The following MMUT variants were observed in gnomAD, a reference collection of about 807,000 sequenced individuals.
The protein encoded by MMUT is methylmalonyl-CoA mutase, mitochondrial.
MMUT carries 79 observed loss-of-function variants against 79.9 expected under a neutral mutation model. The observed-to-expected ratio is 0.99, with a 90% CI of 0.82 to 1.19. The LOEUF (loss-of-function observed/expected upper bound fraction) is 1.19, where lower values mean the gene tolerates loss of function less well. MMUT is among the 50% of genes most tolerant of loss of function. The pLI is 0.00. For synonymous variants in MMUT, 273 were observed against 295.7 expected (o/e 0.92, Z 0.79); for missense variants, 860 against 917.2 (o/e 0.94, Z 0.81).
chr6:49,447,662 A>G lies in MMUT; in HGVS notation c.1560+8T>C. 1 of 1,518,150 alleles carries G rather than the reference A, an allele frequency of 6.6e-7. No homozygotes were observed. The highest frequency in any genetic ancestry group is 1.1e-5 in the South Asian group (1 of 88,840). 94.0% of individuals were successfully genotyped at this position (1,518,150 alleles called of 1,614,324 possible). A position where few individuals can be genotyped will look rare whatever the true frequency, so the allele number is the denominator to read the frequency against. ...TTAAAAAAAAAAAAAAAAGCAAGCT[A>G]TTAATACCTTCTTAAGTTTTTCAAT... On this transcript the variant is annotated splice_region_variant and intron_variant, in intron 8 of 12. Coordinates refer to ENST00000274813, the MANE Select transcript of MMUT (RefSeq NM_000255.4).
In MMUT at chr6:49,451,637, T is replaced by C. The variant is rs1767556028; in HGVS notation, c.1161A>G (p.Thr387=). 1.2e-6 allele frequency: 2 copies of C among 1,614,026 alleles called. No homozygotes were observed. Among genetic ancestry groups the C allele is most frequent in the Admixed American group, 1.7e-5 (1 of 59,992 alleles). Residue 387 remains threonine, a synonymous_variant, in exon 6 of 13, where the codon ACA becomes ACG. Coordinates refer to ENST00000274813, the MANE Select transcript of MMUT (RefSeq NM_000255.4). ...AACCCAAAGCTTCATCAAAAGAATT[T>C]GTGTGCAAAGACTGAGTCCCTCCAA... The part of the protein sequence containing the change: ...AVFGGTQSLH[T]NSFDEALGLP...
chr6:49,450,656 G>T (rs1278013616), intron 6 of MMUT, among the ~76,000 whole-genome samples: 1 of 152,092 alleles, frequency 6.6e-6, no homozygotes, highest in South Asian at 2.1e-4. Context: ...GCTTAGTCAG[G>T]CTATTAATCA....
At chr6:49,439,057 G>A (rs1767205030) in intron 11 of MMUT, among the ~76,000 whole-genome samples, 1 of 152,128 alleles carries the variant, frequency 6.6e-6, no homozygotes, top group African/African-American at 2.4e-5. Flanking sequence ...CAGGAGTGGA[G>A]ACCATGGGCA....
At position 49,431,790 on chromosome 6, in the gene MMUT, C is replaced by T. The variant is rs758134896; in HGVS notation, c.2191G>A (p.Ala731Thr). The T allele has an allele frequency of 6.2e-7, 1 of 1,613,958 alleles. No homozygotes were observed. Among genetic ancestry groups the T allele is most frequent in the South Asian group, 1.1e-5 (1 of 91,066 alleles). ...VFGPGTRIPK[A>T]AVQVLDDIEK... ...ATATCATCAAGCACCTGAACGGCAGCCTTTGGAATTCGAGTCCCAGGACCA... is the reference window on the plus strand; with the variant it reads ...ATATCATCAAGCACCTGAACGGCAGTCTTTGGAATTCGAGTCCCAGGACCA... Residue 731 changes from alanine (A) to threonine (T), a missense_variant, in exon 13 of 13, where the codon GCT becomes ACT. Ala to Thr is a moderately conservative substitution (Grantham distance 58). Coordinates refer to ENST00000274813, the MANE Select transcript of MMUT (RefSeq NM_000255.4).
intron 4 of MMUT, 55 bp downstream of exon 4, chr6:49,456,025 A>C (rs1767677629): frequency 7.2e-7 from 1 of 1,385,346 alleles, no homozygotes; most frequent in Non-Finnish European, 1.0e-6. Context: ...CAATATATAA[A>C]ATGGTCCTAT....
chr6:49,444,778 G>A (rs774853621), intron 8 of MMUT, 24 bp from the exon 9 acceptor site: 5 of 1,549,894 alleles, frequency 3.2e-6, no homozygotes, highest in East Asian at 4.5e-5. Flanking sequence ...CAAGGAAAGG[G>A]ACAATTTACA....
chr6:49,449,674 C>T (rs1767500373), intron 6 of MMUT, among the ~76,000 whole-genome samples: 1 of 151,642 alleles, frequency 6.6e-6, no homozygotes, highest in African/African-American at 2.4e-5. Context: ...TGACTAAAGA[C>T]TAAAAACAAA....
chr6:49,445,276 T>C (rs1302050632), intron 8 of MMUT, among the ~76,000 whole-genome samples: 2 of 152,174 alleles, frequency 1.3e-5, no homozygotes, highest in African/African-American at 4.8e-5. Context: ...AAGAAAAAGA[T>C]ATACAATGAA....
chr6:49,453,663 T>A lies in MMUT; in HGVS notation c.1005A>T (p.Lys335Asn), dbSNP rs763844056. Residue 335 changes from lysine (K) to asparagine (N), a missense_variant, in exon 5 of 13, where the codon AAA (lysine) becomes AAT (asparagine). Lys to Asn is a moderately conservative substitution (Grantham distance 94). Coordinates refer to ENST00000274813, the MANE Select transcript of MMUT (RefSeq NM_000255.4). ...ATTTTGAGTTTTTAGGCTGAAACAT[T>A]TTCTCTATTAAGTGAGCCCAGAGTC... ...GRRLWAHLIEKMFQPKNSKSL... is the reference protein window; with the variant it reads ...GRRLWAHLIENMFQPKNSKSL... 11 of 1,613,170 alleles carry A rather than the reference T, an allele frequency of 6.8e-6. No homozygotes were observed. In the South Asian group the frequency reaches 1.1e-4, roughly 16 times the overall value.
intron 6 of MMUT, 100 bp downstream of exon 6, chr6:49,451,366 A>C: frequency 1.5e-6 from 2 of 1,318,656 alleles, no homozygotes; most frequent in Non-Finnish European, 2.1e-6. Context: ...TTGATTTATA[A>C]ATTTAAAATC....
intron 7 of MMUT, 98 bp downstream of exon 7, chr6:49,448,718 A>G: frequency 1.9e-6 from 2 of 1,030,206 alleles, no homozygotes; most frequent in African/African-American, 1.6e-5. Flanking sequence ...TCCATTTTTC[A>G]TTATTTTTGT....
chr6:49,440,380 T>C, intron 10 of MMUT, 27 bp from the exon 11 acceptor site: 2 of 1,607,286 alleles, frequency 1.2e-6, no homozygotes, highest in Non-Finnish European at 1.7e-6. Flanking sequence ...AATATATCAG[T>C]AGTTAGATAC....
intron 10 of MMUT, 57 bp from the exon 11 acceptor site, chr6:49,440,410 T>C: frequency 7.2e-6 from 11 of 1,532,856 alleles, no homozygotes; most frequent in Non-Finnish European, 9.9e-6. Flanking sequence ...AAAGGGAAGA[T>C]ATAAAAACTA....
intron 6 of MMUT, among the ~76,000 whole-genome samples, chr6:49,449,187 C>T (rs1237225217): frequency 6.6e-6 from 1 of 151,956 alleles, no homozygotes; most frequent in Non-Finnish European, 1.5e-5. Flanking sequence ...ATTAAAGCAA[C>T]ATCAATTCTC....
rs1766986965 is a variant in MMUT at position 49,431,807 on chromosome 6, C to T, written c.2174G>A (p.Gly725Glu). Residue 725 changes from glycine to glutamate, a missense_variant, in exon 13 of 13, where the codon GGG (glycine) becomes GAG (glutamate). Physicochemically the swap from Gly to Glu is moderately conservative, Grantham distance 98 (BLOSUM62 -2). Coordinates refer to ENST00000274813, the MANE Select transcript of MMUT (RefSeq NM_000255.4). ...EVGVSNVFGP[G>E]TRIPKAAVQV... ...AACGGCAGCCTTTGGAATTCGAGTC[C>T]CAGGACCAAATACATTGGAAACACC... is the stretch of plus-strand genomic sequence containing the variant. The T allele has an allele frequency of 6.2e-7, 1 of 1,613,730 alleles. No homozygotes were observed. Among genetic ancestry groups the T allele is most frequent in the Admixed American group, 1.7e-5 (1 of 59,980 alleles).
At chr6:49,461,894 A>T (rs2127421342) in intron 1 of MMUT, among the ~76,000 whole-genome samples, 1 of 152,332 alleles carries the variant, frequency 6.6e-6, no homozygotes, top group Admixed American at 6.5e-5. Flanking sequence ...TAAAAGGTGG[A>T]TGAAAAAAAT....
Position 49,444,679 on chromosome 6 carries a change from C to T in MMUT, c.1636G>A (p.Gly546Arg). The T allele has an allele frequency of 6.2e-7, 1 of 1,613,412 alleles. No homozygotes were observed. The highest frequency in any genetic ancestry group is 8.5e-7 in the Non-Finnish European group (1 of 1,179,490). ...TCCACTGCAAGAGCCAGGATATTTCCATCTCCGCTAGCAGCACATTCGGTT... is the reference window on the plus strand; with the variant it reads ...TCCACTGCAAGAGCCAGGATATTTCTATCTCCGCTAGCAGCACATTCGGTT... Reference protein sequence around the residue: ...ALTECAASGDGNILALAVDAS... With the variant: ...ALTECAASGDRNILALAVDAS... Residue 546 changes from glycine to arginine, a missense_variant, in exon 9 of 13, where the codon GGA becomes AGA. Gly to Arg is a moderately radical substitution (Grantham distance 125). Coordinates refer to ENST00000274813, the MANE Select transcript of MMUT (RefSeq NM_000255.4).
intron 5 of MMUT, among the ~76,000 whole-genome samples, chr6:49,453,127 C>A (rs1322928838): frequency 6.6e-6 from 1 of 150,666 alleles, no homozygotes. Context: ...CTGCAACCTC[C>A]GATTCCCAGG....
intron 11 of MMUT, among the ~76,000 whole-genome samples, chr6:49,437,553 G>A (rs1277480706): frequency 2.0e-5 from 3 of 152,038 alleles, no homozygotes; most frequent in Admixed American, 6.6e-5. Context: ...AAACAAATGA[G>A]ACACCATTTC....
Sources: allele counts gnomAD v4.1 joint callset (sites outside exome capture counted in the v4.1 genomes callset), GRCh38; gene constraint gnomAD v4.1.1; transcripts MANE v1.5; gene names NCBI Gene and HGNC (gene_info 2026-07-23, HGNC 2026-07-21).